The following MIGA1 variants were observed in gnomAD, a reference collection of about 807,000 sequenced individuals.
The protein encoded by MIGA1 is mitoguardin 1, also known as family with sequence similarity 73, member A.
In MIGA1, 58 loss-of-function variants were observed where a neutral mutation model predicts 82.0. That is an observed-to-expected ratio of 0.71 (90% confidence interval 0.57 to 0.88). The LOEUF (loss-of-function observed/expected upper bound fraction) is 0.88, where lower values mean the gene tolerates loss of function less well. MIGA1 is among the 40% of genes least tolerant of loss of function. The pLI is 0.00. For synonymous variants in MIGA1, 249 were observed against 253.6 expected, an observed-to-expected ratio of 0.98 and a Z score of 0.17; for missense variants, 751 against 749.1, an observed-to-expected ratio of 1.00 and a Z score of -0.03.
chr1:77,856,726 C>G lies in MIGA1; in HGVS notation c.997-2212C>G, dbSNP rs1685270566. On this transcript the variant is annotated intron_variant, in intron 8 of 15. Transcript: ENST00000370791. Reference sequence around the variant, plus strand: ...TCAGTGGTATCAGTTGTAATATTTCCTGTTTCTTTTCTTAGTGAGGTTATT... The same window carrying G: ...TCAGTGGTATCAGTTGTAATATTTCGTGTTTCTTTTCTTAGTGAGGTTATT... 2.0e-5 allele frequency among the ~76,000 whole-genome samples: 3 copies of G among 152,066 alleles called. No homozygotes were observed. In the South Asian group the frequency reaches 6.2e-4, roughly 32 times the overall value.
chr1:77,848,198 T>C, intron 8 of MIGA1: 1 of 1,445,142 alleles, frequency 6.9e-7, no homozygotes, highest in Non-Finnish European at 9.7e-7. Flanking sequence ...AGATTCCCAT[T>C]GGAAGAGGCA....
intron 14 of MIGA1, among the ~76,000 whole-genome samples, chr1:77,868,072 A>G (rs907334689): frequency 1.4e-4 from 22 of 152,296 alleles, no homozygotes; most frequent in Admixed American, 9.8e-4. Context: ...GTTAATGCCT[A>G]CTTAATAGGA....
At chr1:77,844,827 A>G (rs1684776011) in intron 8 of MIGA1, among the ~76,000 whole-genome samples, 1 of 152,098 alleles carries the variant, frequency 6.6e-6, no homozygotes, top group Non-Finnish European at 1.5e-5. Context: ...ACAAAAAATT[A>G]AAAAATTAGC....
intron 7 of MIGA1, among the ~76,000 whole-genome samples, chr1:77,817,586 G>A (rs1335146717): frequency 6.6e-6 from 1 of 152,192 alleles, no homozygotes. Context: ...TTGGGGAATT[G>A]TTTGGATATT....
intron 2 of MIGA1, among the ~76,000 whole-genome samples, chr1:77,788,164 G>A (rs1326737587): frequency 1.3e-5 from 2 of 152,152 alleles, no homozygotes; most frequent in Admixed American, 6.5e-5. Context: ...CAGCATGCCT[G>A]GCTAATTTTT....
At chr1:77,831,417 A>G (rs2101857189) in intron 7 of MIGA1, among the ~76,000 whole-genome samples, 1 of 152,150 alleles carries the variant, frequency 6.6e-6, no homozygotes, top group East Asian at 1.9e-4. Flanking sequence ...TATGCTATGT[A>G]GGTAATTTTT....
At position 77,801,621 on chromosome 1, in the gene MIGA1, A is replaced by T. The variant is rs983438584; in HGVS notation, c.373+113A>T. 3.6e-6 allele frequency: 3 copies of T among 827,986 alleles called. No individual in the cohort carries two copies. The African/African-American group carries it at 5.5e-5, about 15-fold the overall frequency. The allele number at this position is 827,986 out of a possible 1,614,324, so 51.3% of individuals were successfully genotyped here. ...TTCTTCCTAATATATTATTTAACTCAAAAGTAGTACAGATTTATTTTAGAA... is the reference window on the plus strand; with the variant it reads ...TTCTTCCTAATATATTATTTAACTCTAAAGTAGTACAGATTTATTTTAGAA... On this transcript the variant is annotated intron_variant, in intron 3 of 15. Coordinates refer to ENST00000370791, the MANE Select transcript of MIGA1 (RefSeq NM_198549.4).
At chr1:77,869,662 T>C (rs1685835025) in intron 14 of MIGA1, among the ~76,000 whole-genome samples, 1 of 124,864 alleles carries the variant, frequency 8.0e-6, no homozygotes, top group African/African-American at 3.1e-5. Flanking sequence ...GAGGCGCCCC[T>C]CACCTCCCGG....
At chr1:77,796,943 G>A (rs1187841062) in intron 2 of MIGA1, among the ~76,000 whole-genome samples, 2 of 152,198 alleles carry the variant, frequency 1.3e-5, no homozygotes, top group Admixed American at 1.3e-4. Flanking sequence ...GTTCCCGTGT[G>A]CTGCCCCTTT....
chr1:77,816,799 T>C (rs1400520374), intron 7 of MIGA1, among the ~76,000 whole-genome samples: 1 of 152,210 alleles, frequency 6.6e-6, no homozygotes, highest in Non-Finnish European at 1.5e-5. Context: ...AGAACGTCAT[T>C]TGTGATACTA....
chr1:77,869,746 C>G lies in MIGA1; in HGVS notation c.1564-3258C>G, dbSNP rs867796683. Among the ~76,000 whole-genome samples the G allele has an allele frequency of 1.9e-4, 22 of 114,010 alleles. 1 individual carries two copies. Among genetic ancestry groups the G allele is most frequent in the African/African-American group, 3.4e-4 (9 of 26,560 alleles). 74.8% of individuals were successfully genotyped at this position (114,010 alleles called of 152,430 possible). On this transcript the variant is annotated intron_variant, in intron 14 of 15. Transcript: ENST00000370791. ...GACAGGGCGGCTGGCCGACCCCCCC[C>G]CCGCCTGCCTCCCGGACGGGGCGGC...
At chr1:77,846,179 ACT>A (rs1279526055) in intron 8 of MIGA1, among the ~76,000 whole-genome samples, 1 of 151,878 alleles carries the variant, frequency 6.6e-6, no homozygotes, top group Non-Finnish European at 1.5e-5. Flanking sequence ...ATACCTTCTG[ACT>A]CTATGAATTT....
intron 2 of MIGA1, among the ~76,000 whole-genome samples, chr1:77,786,465 T>C (rs997997196): frequency 9.2e-5 from 14 of 152,230 alleles, no homozygotes; most frequent in African/African-American, 3.1e-4. Flanking sequence ...TTGCAAATTT[T>C]CCAAACTTTT....
At chr1:77,782,901 T>G (rs12730288) in intron 1 of MIGA1, 2 of 976,754 alleles carry the variant, frequency 2.0e-6, no homozygotes, top group African/African-American at 3.5e-5. Flanking sequence ...TTTAAATTAC[T>G]CCCTAAAAAG....
intron 7 of MIGA1, among the ~76,000 whole-genome samples, chr1:77,841,371 T>C (rs1218953008): frequency 6.6e-6 from 1 of 151,494 alleles, no homozygotes; most frequent in East Asian, 2.0e-4. Flanking sequence ...TGTATGGTTA[T>C]TTTTGGTGCT....
chr1:77,785,446 C>T (rs1431307733), intron 2 of MIGA1, among the ~76,000 whole-genome samples: 3 of 151,910 alleles, frequency 2.0e-5, no homozygotes, highest in South Asian at 2.1e-4. Context: ...CGAGTTCAAG[C>T]GATTCTCCTG....
chr1:77,786,805 CTCT>C (rs1459148149), intron 2 of MIGA1, among the ~76,000 whole-genome samples: 2 of 152,224 alleles, frequency 1.3e-5, no homozygotes, highest in East Asian at 3.8e-4. Context: ...ACATTTTCCT[CTCT>C]TCTTCTGAGC....
intron 8 of MIGA1, among the ~76,000 whole-genome samples, chr1:77,856,154 G>A (rs988219381): frequency 6.6e-6 from 1 of 152,118 alleles, no homozygotes; most frequent in Non-Finnish European, 1.5e-5. Flanking sequence ...AGGTGATCGT[G>A]TGATTTTTGT....
chr1:77,793,640 TTG>T (rs1297972831), intron 2 of MIGA1, among the ~76,000 whole-genome samples: 33 of 151,108 alleles, frequency 2.2e-4, no homozygotes, highest in African/African-American at 8.0e-4. Context: ...TTTTTTTTTT[TTG>T]TATTTTTAAT....
Sources: gnomAD v4.1 joint callset for allele counts (sites outside exome capture counted in the v4.1 genomes callset) on GRCh38, gnomAD v4.1.1 for gene constraint, MANE v1.5 for transcripts, NCBI Gene and HGNC (gene_info 2026-07-23, HGNC 2026-07-21) for gene names.